ZNF469: variants seen among roughly 807,000 people sequenced by gnomAD.
The protein encoded by ZNF469 is zinc finger protein 469.
In ZNF469, 1 loss-of-function variant was observed where a neutral mutation model predicts 1.0. That is an observed-to-expected ratio of 1.00 (90% CI 0.35 to 4.73). The LOEUF (loss-of-function observed/expected upper bound fraction) is 4.73, where lower values mean the gene tolerates loss of function less well. Among genes scored for constraint, ZNF469 ranks in the 30% most tolerant of loss-of-function variants. ZNF469 has a pLI of 0.16. For missense variants in ZNF469, 6,100 were observed against 5,356.3 expected (o/e 1.14, Z -4.33); for synonymous variants, 2,703 against 2,363.4 (o/e 1.14, Z -4.17).
At chr16:88,174,196 C>T in the ZNF469 span, among the ~76,000 whole-genome samples, 1 of 152,038 alleles carries the variant, frequency 6.6e-6, no homozygotes, top group South Asian at 2.1e-4. Context: ...GATAGAGTGG[C>T]TCTATTAATG....
chr16:88,266,355 G>A, the ZNF469 span, among the ~76,000 whole-genome samples: 2 of 152,242 alleles, frequency 1.3e-5, no homozygotes, highest in East Asian at 1.9e-4. Flanking sequence ...GGGCCGCTCC[G>A]GCTGAGCTTC....
rs1477352242 is a variant in ZNF469, at chr16:88,383,219, G to C, written c.-227G>C. Among the ~76,000 whole-genome samples the C allele has an allele frequency of 6.8e-6, 1 of 147,356 alleles. No homozygotes were observed. Among genetic ancestry groups the C allele is most frequent in the Non-Finnish European group, 1.5e-5 (1 of 66,140 alleles). On this transcript the variant is annotated 5_prime_UTR_variant, in exon 1 of 3. Coordinates refer to ENST00000565624, the MANE Select transcript of ZNF469 (RefSeq NM_001367624.2). ...GCGGGCCGGGAGCTCGTTGGCGGCGGCCGGCGTGGCGGGCGGAGCGGGCCT... is the reference window on the plus strand; with the variant it reads ...GCGGGCCGGGAGCTCGTTGGCGGCGCCCGGCGTGGCGGGCGGAGCGGGCCT...
the ZNF469 span, among the ~76,000 whole-genome samples, chr16:88,251,536 G>GTGTTTTTTTTTTTTT: frequency 1.4e-3 from 112 of 78,794 alleles, 17 homozygotes; most frequent in Non-Finnish European, 1.9e-3. Flanking sequence ...TGTCCCTGCT[G>GTGTTTTTTTTTTTTT]TCTTTTTTTT....
At chr16:88,232,900 G>T in the ZNF469 span, among the ~76,000 whole-genome samples, 1 of 152,372 alleles carries the variant, frequency 6.6e-6, no homozygotes, top group East Asian at 1.9e-4. Flanking sequence ...GCAGCCAGGA[G>T]CTGGGAGGTG....
At chr16:88,339,066 G>T in the ZNF469 span, among the ~76,000 whole-genome samples, 1 of 150,934 alleles carries the variant, frequency 6.6e-6, no homozygotes, top group Non-Finnish European at 1.5e-5. Flanking sequence ...GCGTCCTGGA[G>T]GGGGCGTGCC....
chr16:88,106,182 G>A, the ZNF469 span, among the ~76,000 whole-genome samples: 2 of 152,196 alleles, frequency 1.3e-5, no homozygotes, highest in South Asian at 2.1e-4. Flanking sequence ...GCGCCAGCAG[G>A]CCGTGCTCCA....
Position 88,429,603 on chromosome 16 carries a change from G to T in ZNF469, c.2133G>T (p.Pro711=). ...GLQGFPRAPP[P]YPTHHFSLSS... The stretch of plus-strand genomic sequence containing the variant: ...AGGGCTTCCCCCGTGCGCCGCCTCC[G>T]TACCCCACACACCACTTCTCCCTCA... The change falls in exon 3 of 3, where the codon CCG becomes CCT. Residue 711 remains proline, a synonymous_variant. Transcript: ENST00000565624. 6.5e-7 allele frequency: 1 copy of T among 1,548,698 alleles called. No individual in the cohort carries two copies. Among genetic ancestry groups the T allele is most frequent in the South Asian group, 1.2e-5 (1 of 83,890 alleles).
At chr16:88,111,542 A>G in the ZNF469 span, among the ~76,000 whole-genome samples, 2 of 150,726 alleles carry the variant, frequency 1.3e-5, no homozygotes, top group Non-Finnish European at 2.9e-5. Flanking sequence ...TTCCCTTCCC[A>G]GCCTGTGGTA....
rs1320640958 is a variant in ZNF469 at position 88,406,146 on chromosome 16, G to A, written c.-191-18661G>A. Among the ~76,000 whole-genome samples the A allele has an allele frequency of 3.9e-5, 6 of 152,332 alleles. No individual in the cohort carries two copies. The East Asian group carries it at 5.8e-4, about 15-fold the overall frequency. On this transcript the variant is annotated intron_variant, in intron 1 of 2. Transcript: ENST00000565624. ...TCCAGCCAGGCCCGACGACCTGCCC[G>A]GCCTCGCCAAAGGTGGGACTGCCCA... is the stretch of plus-strand genomic sequence containing the variant.
At chr16:88,256,964 C>A in the ZNF469 span, among the ~76,000 whole-genome samples, 3 of 88,414 alleles carry the variant, frequency 3.4e-5, no homozygotes, top group African/African-American at 4.7e-5. Flanking sequence ...TCTTTTCTTT[C>A]GTTGATGGAG....
chr16:88,110,976 C>T, the ZNF469 span, among the ~76,000 whole-genome samples: 10 of 152,386 alleles, frequency 6.6e-5, no homozygotes, highest in African/African-American at 1.9e-4. Flanking sequence ...GAAGCTCAGG[C>T]CCCCTTCACA....
chr16:88,233,600 G>C, the ZNF469 span, among the ~76,000 whole-genome samples: 2 of 152,236 alleles, frequency 1.3e-5, no homozygotes, highest in Admixed American at 1.3e-4. Context: ...TTTGGTGAGG[G>C]AGTTTGATTA....
At chr16:88,400,615 C>T (rs1201497901) in intron 1 of ZNF469, among the ~76,000 whole-genome samples, 1 of 152,166 alleles carries the variant, frequency 6.6e-6, no homozygotes, top group Non-Finnish European at 1.5e-5. Flanking sequence ...GAAAACAGAG[C>T]AGCAGCAACA....
chr16:88,257,881 C>T, the ZNF469 span, among the ~76,000 whole-genome samples: 15 of 152,278 alleles, frequency 9.9e-5, no homozygotes, highest in African/African-American at 3.6e-4. Context: ...CCACAAAAGG[C>T]TTAGAATCAC....
Position 88,436,200 on chromosome 16 carries a change from G to A in ZNF469, c.8730G>A (p.Thr2910=), listed in dbSNP as rs549214055. Residue 2910 remains threonine (T), a synonymous_variant, in exon 3 of 3, where the codon ACG becomes ACA. Transcript: ENST00000565624. The stretch of plus-strand genomic sequence containing the variant: ...CGCTGGGCCCAGCCCGCCTGCCCAC[G>A]GACCTCAGCGACTCCAGCTCCCTCT... ...DPTLGPARLP[T]DLSDSSSLCL... is the part of the protein sequence containing the mutation. 29 of 1,548,176 alleles carry A rather than the reference G, an allele frequency of 1.9e-5. No individual in the cohort carries two copies. The highest frequency in any genetic ancestry group is 4.9e-5 in the East Asian group (2 of 40,922).
At chr16:88,321,885 A>C in the ZNF469 span, among the ~76,000 whole-genome samples, 1 of 152,206 alleles carries the variant, frequency 6.6e-6, no homozygotes, top group Non-Finnish European at 1.5e-5. Flanking sequence ...GCCTCCCCCA[A>C]ATGCCTTCTT....
the ZNF469 span, among the ~76,000 whole-genome samples, chr16:88,369,899 C>G: frequency 1.3e-5 from 2 of 152,222 alleles, no homozygotes; most frequent in African/African-American, 2.4e-5. Context: ...AGTGTCCGCT[C>G]CTTCCCTCCT....
At chr16:88,224,325 A>G in the ZNF469 span, among the ~76,000 whole-genome samples, 11 of 152,326 alleles carry the variant, frequency 7.2e-5, no homozygotes, top group East Asian at 1.7e-3. Context: ...GGATTGAGCC[A>G]GGACACAGCA....
chr16:88,405,313 G>A (rs1173111414), intron 1 of ZNF469, among the ~76,000 whole-genome samples: 1 of 152,166 alleles, frequency 6.6e-6, no homozygotes, highest in Non-Finnish European at 1.5e-5. Flanking sequence ...CTGTGGTTTG[G>A]CCACCACTGT....
Sources: allele counts gnomAD v4.1 joint callset (sites outside exome capture counted in the v4.1 genomes callset), GRCh38; gene constraint gnomAD v4.1.1; transcripts MANE v1.5; gene names NCBI Gene and HGNC (gene_info 2026-07-23, HGNC 2026-07-21).